DOCK9: variants seen among roughly 807,000 people sequenced by gnomAD.
DOCK9 encodes the protein dedicator of cytokinesis protein 9.
DOCK9 carries 89 observed loss-of-function variants against 263.3 expected under a neutral mutation model. The observed-to-expected ratio is 0.34, with a 90% CI of 0.28 to 0.40. The LOEUF is 0.40. Ranked by LOEUF, DOCK9 falls within the 10% of genes least tolerant of loss-of-function variation. DOCK9 has a pLI of 1.00. For synonymous variants in DOCK9, 976 were observed against 973.1 expected (o/e 1.00, Z -0.06); for missense variants, 2,140 against 2,603.4 (o/e 0.82, Z 3.87).
At chr13:98,846,692 G>C (rs1022393551) in intron 37 of DOCK9, 4 of 520,280 alleles carry the variant, frequency 7.7e-6, no homozygotes, top group South Asian at 4.8e-5. Context: ...CCCTGTCCCG[G>C]AGCCAACCGT....
At chr13:98,959,587 C>A (rs887519918) in intron 1 of DOCK9, 5 of 152,258 alleles carry the variant, frequency 3.3e-5, no homozygotes, top group African/African-American at 1.2e-4. Context: ...ATACTGGGCA[C>A]AATGCCTCCC....
At chr13:98,983,463 G>C (rs532823034) in intron 1 of DOCK9, among the ~76,000 whole-genome samples, 1 of 152,122 alleles carries the variant, frequency 6.6e-6, no homozygotes, top group Non-Finnish European at 1.5e-5. Flanking sequence ...CGAGGGAGGA[G>C]AGAAAGCTAC....
chr13:98,929,915 T>C (rs1032928200), intron 3 of DOCK9, among the ~76,000 whole-genome samples: 2 of 152,212 alleles, frequency 1.3e-5, no homozygotes, highest in Admixed American at 6.5e-5. Context: ...ATTCACTTTT[T>C]GTAGTCAGAT....
Position 98,800,389 on chromosome 13 carries a change from C to T in DOCK9, c.5815G>A (p.Glu1939Lys). 1.9e-6 allele frequency: 3 copies of T among 1,613,936 alleles called. No individual in the cohort carries two copies. The highest frequency in any genetic ancestry group is 2.5e-6 in the Non-Finnish European group (3 of 1,179,874). Residue 1939 changes from glutamate to lysine, a missense_variant, in exon 50 of 53, where the codon GAG becomes AAG. Coordinates refer to ENST00000682017, the MANE Select transcript of DOCK9 (RefSeq NM_001366683.2). ...DLNPIEVAIDEMSKKVAELRQ... is the reference protein window; with the variant it reads ...DLNPIEVAIDKMSKKVAELRQ... Reference sequence around the variant, plus strand: ...AGCTCCGCCACCTTCTTACTCATCTCGTCAATGGCCACCTCGATGGGGTTC... The same window carrying T: ...AGCTCCGCCACCTTCTTACTCATCTTGTCAATGGCCACCTCGATGGGGTTC...
chr13:99,013,701 C>CG (rs1884921381), intron 1 of DOCK9, among the ~76,000 whole-genome samples: 1 of 151,918 alleles, frequency 6.6e-6, no homozygotes, highest in Non-Finnish European at 1.5e-5. Context: ...GTATCCAGAA[C>CG]GAGGTGAGGA....
At chr13:98,974,239 T>C (rs2060003647) in intron 1 of DOCK9, among the ~76,000 whole-genome samples, 1 of 152,050 alleles carries the variant, frequency 6.6e-6, no homozygotes, top group Non-Finnish European at 1.5e-5. Flanking sequence ...ATCAAGAATA[T>C]CCTGCCTGTT....
At chr13:99,064,050 T>C (rs148052669) in intron 1 of DOCK9, among the ~76,000 whole-genome samples, 292 of 152,324 alleles carry the variant, frequency 1.9e-3, no homozygotes, top group African/African-American at 6.5e-3. Flanking sequence ...TAAACTCTCC[T>C]TTATCCTCCA....
At chr13:99,072,841 T>C (rs759973978) in intron 1 of DOCK9, among the ~76,000 whole-genome samples, 1 of 151,858 alleles carries the variant, frequency 6.6e-6, no homozygotes, top group Non-Finnish European at 1.5e-5. Flanking sequence ...CTACAAAAAA[T>C]ACAAAATTGA....
At chr13:98,808,584 T>G in intron 47 of DOCK9, 1 of 1,211,396 alleles carries the variant, frequency 8.3e-7, no homozygotes, top group South Asian at 1.3e-5. Flanking sequence ...AAACTAGGAG[T>G]TTAGACGCAG....
intron 7 of DOCK9, among the ~76,000 whole-genome samples, chr13:98,916,262 T>C (rs1317595536): frequency 6.6e-6 from 1 of 152,252 alleles, no homozygotes; most frequent in Non-Finnish European, 1.5e-5. Flanking sequence ...GCGAAATTTA[T>C]GGCCTTAAGC....
At chr13:98,841,104 T>C (rs2093194546) in intron 38 of DOCK9, among the ~76,000 whole-genome samples, 1 of 152,234 alleles carries the variant, frequency 6.6e-6, no homozygotes, top group Non-Finnish European at 1.5e-5. Flanking sequence ...GAGTAGAGAA[T>C]AGAATAAATA....
At chr13:98,854,165 G>A (rs1328164601) in intron 34 of DOCK9, among the ~76,000 whole-genome samples, 8 of 152,024 alleles carry the variant, frequency 5.3e-5, no homozygotes, top group Non-Finnish European at 1.2e-4. Context: ...CACTGCAAAC[G>A]TCAGAAAGCT....
At chr13:99,004,011 C>A (rs12869795) in intron 1 of DOCK9, among the ~76,000 whole-genome samples, 47,342 of 151,996 alleles carry the variant, frequency 0.31, 7,490 homozygotes, top group Middle Eastern at 0.44. Context: ...CTGATAAGCC[C>A]CCTCCAGCAC....
intron 27 of DOCK9, among the ~76,000 whole-genome samples, chr13:98,877,867 G>A (rs760065139): frequency 2.6e-5 from 4 of 152,114 alleles, no homozygotes; most frequent in Non-Finnish European, 5.9e-5. Context: ...ATATAATCAC[G>A]TTACCATTGC....
chr13:99,071,903 T>A (rs1187190999), intron 1 of DOCK9, among the ~76,000 whole-genome samples: 1 of 152,176 alleles, frequency 6.6e-6, no homozygotes, highest in African/African-American at 2.4e-5. Flanking sequence ...TTCTTCTACG[T>A]CTTCTTCCTC....
At chr13:99,018,855 T>A (rs1328830067) in intron 1 of DOCK9, among the ~76,000 whole-genome samples, 1 of 152,214 alleles carries the variant, frequency 6.6e-6, no homozygotes, top group Non-Finnish European at 1.5e-5. Flanking sequence ...TCTTTAAATG[T>A]CACTTCTAAT....
intron 2 of DOCK9, among the ~76,000 whole-genome samples, chr13:98,946,238 A>G (rs2056686641): frequency 6.6e-6 from 1 of 152,144 alleles, no homozygotes; most frequent in Non-Finnish European, 1.5e-5. Flanking sequence ...CTCTAGCTAC[A>G]CTGTTAGGAC....
upstream of DOCK9, among the ~76,000 whole-genome samples, chr13:98,978,314 C>G (rs1875861042): frequency 6.6e-6 from 1 of 152,192 alleles, no homozygotes; most frequent in Non-Finnish European, 1.5e-5. Flanking sequence ...TCATAATTAC[C>G]TTAAATCTGA....
chr13:98,907,347 A>C (rs898868131), intron 9 of DOCK9, among the ~76,000 whole-genome samples: 3 of 152,214 alleles, frequency 2.0e-5, no homozygotes, highest in African/African-American at 7.2e-5. Context: ...GTGGGTTCTT[A>C]ATGTAGATGC....
Sources: allele counts gnomAD v4.1 joint callset (sites outside exome capture counted in the v4.1 genomes callset), GRCh38; gene constraint gnomAD v4.1.1; transcripts MANE v1.5; gene names NCBI Gene and HGNC (gene_info 2026-07-23, HGNC 2026-07-21).